Variants in CDK17 observed in about 807,000 individuals in gnomAD.
CDK17 encodes the protein cyclin-dependent kinase 17.
In CDK17, 24 loss-of-function variants were observed where a neutral mutation model predicts 77.6. That is an observed-to-expected ratio of 0.31 (90% CI 0.22 to 0.44). The LOEUF is 0.44. CDK17 is among the 20% of genes least tolerant of loss of function. The pLI is 1.00. For synonymous variants in CDK17, 203 were observed against 210.4 expected, an observed-to-expected ratio of 0.96 and a Z score of 0.30; for missense variants, 429 against 622.5, an observed-to-expected ratio of 0.69 and a Z score of 3.31.
At position 96,311,180 on chromosome 12, in the gene CDK17, T is replaced by TA. The variant is rs11285567; in HGVS notation, c.418-4dup. On this transcript the variant is annotated splice_polypyrimidine_tract_variant and splice_region_variant and intron_variant, in intron 4 of 16. Transcript: ENST00000261211. Reference sequence around the variant, plus strand: ...AGTGATAACCGCTTATTTAAATCCTTAAAAAAAAAAAAAGGTAATCCAAAA... The same window carrying TA: ...AGTGATAACCGCTTATTTAAATCCTTAAAAAAAAAAAAAAGGTAATCCAAAA... The TA allele has an allele frequency of 0.13, 145,037 of 1,105,454 alleles. No homozygotes were observed. Among genetic ancestry groups the TA allele is most frequent in the Non-Finnish European group, 0.14 (117,049 of 813,522 alleles). The allele number at this position is 1,105,454 out of a possible 1,614,324, so 68.5% of individuals were successfully genotyped here. A position where few individuals can be genotyped will look rare whatever the true frequency, so the allele number is the denominator to read the frequency against.
intron 1 of CDK17, among the ~76,000 whole-genome samples, chr12:96,367,130 G>T (rs1383015558): frequency 6.6e-6 from 1 of 151,698 alleles, no homozygotes; most frequent in Non-Finnish European, 1.5e-5. Context: ...GGATCATGAG[G>T]TGAGGAGTTC....
chr12:96,399,292 C>T (rs552307813), intron 1 of CDK17: 2 of 152,460 alleles, frequency 1.3e-5, no homozygotes, highest in Non-Finnish European at 2.9e-5. Context: ...GCACCCTCCT[C>T]CCCCCATTTT....
intron 1 of CDK17, among the ~76,000 whole-genome samples, chr12:96,346,046 G>A (rs751957589): frequency 2.4e-4 from 36 of 152,290 alleles, no homozygotes; most frequent in Non-Finnish European, 4.6e-4. Flanking sequence ...ATAAGAGACC[G>A]GGTGCAGTGG....
At chr12:96,298,816 T>C (rs998115026) in intron 7 of CDK17, 53 bp downstream of exon 7, 3 of 933,254 alleles carry the variant, frequency 3.2e-6, no homozygotes, top group East Asian at 5.1e-5. Flanking sequence ...TTATAAAAAA[T>C]AGACACTTAT....
chr12:96,315,552 C>T (rs1337459715), intron 3 of CDK17, among the ~76,000 whole-genome samples: 1 of 152,188 alleles, frequency 6.6e-6, no homozygotes, highest in Admixed American at 6.5e-5. Flanking sequence ...GTATTCATTT[C>T]TGTCACACCT....
intron 2 of CDK17, among the ~76,000 whole-genome samples, chr12:96,324,763 T>A (rs1381123373): frequency 6.6e-6 from 1 of 150,838 alleles, no homozygotes; most frequent in African/African-American, 2.4e-5. Context: ...CAAGACTCCG[T>A]CTCAAAAAGA....
At chr12:96,297,425 T>G in intron 8 of CDK17, 93 bp from the exon 9 acceptor site, 1 of 874,240 alleles carries the variant, frequency 1.1e-6, no homozygotes, top group Non-Finnish European at 1.8e-6. Flanking sequence ...TAGTTGTTTT[T>G]CAAGAAAAGA....
At chr12:96,290,357 G>A (rs530305709) in intron 10 of CDK17, among the ~76,000 whole-genome samples, 122 of 152,194 alleles carry the variant, frequency 8.0e-4, no homozygotes, top group African/African-American at 2.2e-3. Context: ...GCCAAAACAA[G>A]GAAGAATTTA....
At chr12:96,280,960 T>A in intron 15 of CDK17, 75 bp from the exon 16 acceptor site, 1 of 1,219,798 alleles carries the variant, frequency 8.2e-7, no homozygotes, top group Non-Finnish European at 1.2e-6. Context: ...TCAACAAATG[T>A]TTATAAAGCA....
chr12:96,388,108 TA>T (rs545846844), intron 1 of CDK17, among the ~76,000 whole-genome samples: 8 of 142,878 alleles, frequency 5.6e-5, no homozygotes, highest in Admixed American at 7.0e-5. Flanking sequence ...CATCTGTACA[TA>T]AAAAAAAAAG....
intron 1 of CDK17, among the ~76,000 whole-genome samples, chr12:96,393,840 C>T (rs1954117449): frequency 6.6e-6 from 1 of 152,088 alleles, no homozygotes; most frequent in South Asian, 2.1e-4. Context: ...AGTTGTTATA[C>T]TTCAAAAAAT....
intron 1 of CDK17, among the ~76,000 whole-genome samples, chr12:96,362,572 T>TC (rs1953510828): frequency 6.6e-6 from 1 of 152,102 alleles, no homozygotes; most frequent in African/African-American, 2.4e-5. Flanking sequence ...ATTAGAGGAT[T>TC]CTCTAATATC....
At chr12:96,339,852 A>C (rs911355119) in intron 1 of CDK17, among the ~76,000 whole-genome samples, 5 of 151,984 alleles carry the variant, frequency 3.3e-5, no homozygotes, top group Non-Finnish European at 7.4e-5. Context: ...ACTTGATCCC[A>C]GGGGGCAGAG....
At chr12:96,346,084 G>C (rs1412919010) in intron 1 of CDK17, among the ~76,000 whole-genome samples, 1 of 152,152 alleles carries the variant, frequency 6.6e-6, no homozygotes, top group East Asian at 1.9e-4. Flanking sequence ...AGGACTTTGG[G>C]AAGTGGGTGG....
intron 1 of CDK17, among the ~76,000 whole-genome samples, chr12:96,365,804 G>C (rs1338117384): frequency 1.3e-5 from 2 of 152,230 alleles, no homozygotes; most frequent in South Asian, 4.1e-4. Flanking sequence ...CTACTTGGGG[G>C]GCTGAGGTGG....
chr12:96,286,839 C>G (rs972314984), intron 11 of CDK17, 78 bp from the exon 12 acceptor site: 1 of 1,223,026 alleles, frequency 8.2e-7, no homozygotes, highest in South Asian at 1.3e-5. Context: ...CTTAAGGTTG[C>G]CTCTCTGCAG....
At position 96,280,464 on chromosome 12, in the gene CDK17, G is replaced by A. The variant is rs578093682; in HGVS notation, c.1535-185C>T. ...CAGTCTACAGCTTCTATGCTTCGAA[G>A]TGATGAACCTGATGACTAGGGAAGC... On this transcript the variant is annotated intron_variant, in intron 16 of 16. Coordinates refer to ENST00000261211, the MANE Select transcript of CDK17 (RefSeq NM_002595.5). 103 of 1,417,184 alleles carry A rather than the reference G, an allele frequency of 7.3e-5. No homozygotes were observed. In the South Asian group the frequency reaches 1.6e-3, roughly 22 times the overall value. The allele number at this position is 1,417,184 out of a possible 1,614,324, so 87.8% of individuals were successfully genotyped here. A position where few individuals can be genotyped will look rare whatever the true frequency, so the allele number is the denominator to read the frequency against.
At chr12:96,377,038 CT>C (rs1953791214) in intron 1 of CDK17, among the ~76,000 whole-genome samples, 2 of 152,236 alleles carry the variant, frequency 1.3e-5, no homozygotes, top group East Asian at 3.9e-4. Context: ...CTAAGTATTT[CT>C]TTTACTATAA....
At chr12:96,340,736 T>C (rs1953110335) in intron 1 of CDK17, among the ~76,000 whole-genome samples, 1 of 152,214 alleles carries the variant, frequency 6.6e-6, no homozygotes, top group Admixed American at 6.5e-5. Flanking sequence ...AATAGGGCAG[T>C]GCTAAATTAC....
Sources: allele counts gnomAD v4.1 joint callset (sites outside exome capture counted in the v4.1 genomes callset), GRCh38; gene constraint gnomAD v4.1.1; transcripts MANE v1.5; gene names NCBI Gene and HGNC (gene_info 2026-07-23, HGNC 2026-07-21).